The following FAT3 variants were observed in gnomAD, a reference collection of about 807,000 sequenced individuals.
FAT3 encodes protocadherin Fat 3.
In FAT3, 95 loss-of-function variants were observed where a neutral mutation model predicts 310.2. That is an observed-to-expected ratio of 0.31 (90% CI 0.26 to 0.36). FAT3 has a LOEUF of 0.36. FAT3 is among the 10% of genes least tolerant of loss of function. The pLI is 1.00. For missense variants in FAT3, 5,408 were observed against 5,715.6 expected, an observed-to-expected ratio of 0.95 and a Z score of 1.74; for synonymous variants, 2,314 against 2,192.9, an observed-to-expected ratio of 1.06 and a Z score of -1.54.
At chr11:92,270,370 C>G (rs1946091139) in intron 1 of FAT3, among the ~76,000 whole-genome samples, 1 of 151,936 alleles carries the variant, frequency 6.6e-6, no homozygotes, top group Non-Finnish European at 1.5e-5. Flanking sequence ...ATCATCTAGT[C>G]TACTGGTTTT....
chr11:92,816,163 G>C (rs932458828), intron 13 of FAT3, among the ~76,000 whole-genome samples: 1 of 152,216 alleles, frequency 6.6e-6, no homozygotes, highest in Non-Finnish European at 1.5e-5. Flanking sequence ...GAGTGAGACA[G>C]AGAGACAGAT....
rs182809735 is a variant in FAT3, at chr11:92,511,834, G to A, written c.3293-12800G>A. Reference sequence around the variant, plus strand: ...CTGGTTCCAGACCAATCCAACATCTGAAAATCTTCAGAGAACATATAATAT... The same window carrying A: ...CTGGTTCCAGACCAATCCAACATCTAAAAATCTTCAGAGAACATATAATAT... On this transcript the variant is annotated intron_variant, in intron 2 of 27. Coordinates refer to ENST00000525166, the MANE Select transcript of FAT3 (RefSeq NM_001367949.2). 6.9e-4 allele frequency among the ~76,000 whole-genome samples: 105 copies of A among 152,286 alleles called. 1 individual carries two copies. The highest frequency in any genetic ancestry group is 1.4e-3 in the Admixed American group (22 of 15,276).
intron 3 of FAT3, among the ~76,000 whole-genome samples, chr11:92,637,241 G>A (rs993780350): frequency 3.3e-5 from 5 of 152,190 alleles, no homozygotes; most frequent in African/African-American, 9.7e-5. Flanking sequence ...GCCCCATTGA[G>A]TATTGGTTAG....
Position 92,799,259 on chromosome 11 carries a change from A to C in FAT3, c.6246A>C (p.Pro2082=). The C allele has an allele frequency of 6.2e-7, 1 of 1,613,922 alleles. No homozygotes were observed. The highest frequency in any genetic ancestry group is 8.5e-7 in the Non-Finnish European group (1 of 1,179,860). Residue 2082 remains proline, a synonymous_variant, in exon 10 of 28, where the codon CCA becomes CCC. Coordinates refer to ENST00000525166, the MANE Select transcript of FAT3 (RefSeq NM_001367949.2). The stretch of plus-strand genomic sequence containing the variant: ...TTGAAGACATAAATGACAATTCTCC[A>C]GTCTTTGTGGGCCTCCCATACTATG... ...VNIEDINDNS[P]VFVGLPYYAA... is the part of the protein sequence containing the mutation.
chr11:92,524,842 C>G lies in FAT3; in HGVS notation c.3501C>G (p.Val1167=). The G allele has an allele frequency of 1.2e-6, 2 of 1,613,832 alleles. No homozygotes were observed. The highest frequency in any genetic ancestry group is 1.7e-6 in the Non-Finnish European group (2 of 1,179,810). Residue 1167 remains valine (V), a synonymous_variant, in exon 3 of 28, where the codon GTC becomes GTG. Transcript: ENST00000525166. ...VMENSPKDVS[V]IQIQAEDPDS... is the part of the protein sequence containing the mutation. ...AAAACTCTCCAAAGGACGTATCTGT[C>G]ATTCAGATCCAGGCTGAAGATCCTG...
At chr11:92,830,432 G>T (rs80289173) in intron 13 of FAT3, among the ~76,000 whole-genome samples, 1 of 152,124 alleles carries the variant, frequency 6.6e-6, no homozygotes, top group East Asian at 1.9e-4. Flanking sequence ...AGCACCCTTG[G>T]ACTAGATCCT....
chr11:92,305,350 G>A (rs1202973382), intron 1 of FAT3, among the ~76,000 whole-genome samples: 1 of 152,100 alleles, frequency 6.6e-6, no homozygotes, highest in African/African-American at 2.4e-5. Context: ...GTTAATAAAT[G>A]TAGAAGAAAA....
chr11:92,636,939 C>G (rs1334569088), intron 3 of FAT3, among the ~76,000 whole-genome samples: 1 of 152,166 alleles, frequency 6.6e-6, no homozygotes, highest in Non-Finnish European at 1.5e-5. Flanking sequence ...CTTACATAGC[C>G]TCTCTACTTG....
intron 1 of FAT3, among the ~76,000 whole-genome samples, chr11:92,299,903 C>A (rs1565210547): frequency 6.6e-6 from 1 of 152,128 alleles, no homozygotes; most frequent in East Asian, 1.9e-4. Context: ...CCCATAGCTC[C>A]AGAAAGAAAT....
At position 92,857,088 on chromosome 11, in the gene FAT3, G is replaced by C. The variant is rs1565654422; in HGVS notation, c.11366-126G>C. 4 of 1,393,508 alleles carry C rather than the reference G, an allele frequency of 2.9e-6. No homozygotes were observed. The East Asian group carries it at 9.2e-5, about 32-fold the overall frequency. The allele number at this position is 1,393,508 out of a possible 1,614,324, so 86.3% of individuals were successfully genotyped here. A position where few individuals can be genotyped will look rare whatever the true frequency, so the allele number is the denominator to read the frequency against. ...TTCTGAGTGGCATCTTTGTGACTCAGCTCAGAGCCCACATATCCCAGCTCT... is the reference window on the plus strand; with the variant it reads ...TTCTGAGTGGCATCTTTGTGACTCACCTCAGAGCCCACATATCCCAGCTCT... On this transcript the variant is annotated intron_variant, in intron 19 of 27. Coordinates refer to ENST00000525166, the MANE Select transcript of FAT3 (RefSeq NM_001367949.2).
In FAT3 at chr11:92,576,932, G is replaced by A. The variant is rs544187389; in HGVS notation, c.3607+51984G>A. Among the ~76,000 whole-genome samples the A allele has an allele frequency of 1.6e-4, 25 of 151,958 alleles. No homozygotes were observed. The South Asian group carries it at 4.2e-3, about 25-fold the overall frequency. On this transcript the variant is annotated intron_variant, in intron 3 of 27. Coordinates refer to ENST00000525166, the MANE Select transcript of FAT3 (RefSeq NM_001367949.2). ...CAGCATACAGGCCAAGGAGTAAGACGTTATATTTAAGGTTCACTATGCTGT... is the reference window on the plus strand; with the variant it reads ...CAGCATACAGGCCAAGGAGTAAGACATTATATTTAAGGTTCACTATGCTGT...
intron 3 of FAT3, among the ~76,000 whole-genome samples, chr11:92,569,306 G>T (rs1293186770): frequency 1.3e-5 from 2 of 152,178 alleles, no homozygotes; most frequent in Non-Finnish European, 2.9e-5. Context: ...TGGGAATGAT[G>T]TGGAAGTGCA....
At chr11:92,493,048 A>C (rs1166193270) in intron 2 of FAT3, among the ~76,000 whole-genome samples, 2 of 152,052 alleles carry the variant, frequency 1.3e-5, no homozygotes, top group Admixed American at 1.3e-4. Flanking sequence ...ATTTCAAACG[A>C]CTTGTCATTC....
At chr11:92,351,240 C>T (rs973017823) in intron 1 of FAT3, among the ~76,000 whole-genome samples, 1 of 152,152 alleles carries the variant, frequency 6.6e-6, no homozygotes, top group Non-Finnish European at 1.5e-5. Flanking sequence ...TGTAACTTGA[C>T]ACTTTGTTCA....
At chr11:92,396,954 AC>A (rs565973279) in intron 2 of FAT3, among the ~76,000 whole-genome samples, 239 of 152,232 alleles carry the variant, frequency 1.6e-3, no homozygotes, top group African/African-American at 5.4e-3. Flanking sequence ...TAATCCGTCT[AC>A]ATCGGCCTCC....
chr11:92,380,362 T>C (rs540817942), intron 2 of FAT3, among the ~76,000 whole-genome samples: 31 of 152,260 alleles, frequency 2.0e-4, no homozygotes, highest in African/African-American at 7.5e-4. Flanking sequence ...CAGTTCTGTA[T>C]GCCTGCCCTG....
At chr11:92,387,827 G>A (rs1473099926) in intron 2 of FAT3, among the ~76,000 whole-genome samples, 1 of 152,120 alleles carries the variant, frequency 6.6e-6, no homozygotes, top group Non-Finnish European at 1.5e-5. Context: ...GGAGAAGCTG[G>A]GAAGCATGGA....
chr11:92,628,058 C>T (rs1941402467), intron 3 of FAT3, among the ~76,000 whole-genome samples: 5 of 152,142 alleles, frequency 3.3e-5, no homozygotes, highest in Admixed American at 2.6e-4. Context: ...GTCTTCCTCA[C>T]TGGGTTGTTT....
chr11:92,500,076 C>T (rs1177001492), intron 2 of FAT3, among the ~76,000 whole-genome samples: 2 of 151,906 alleles, frequency 1.3e-5, no homozygotes, highest in African/African-American at 2.4e-5. Context: ...TTACATTCTC[C>T]ACTGGATCTG....
Sources: allele counts gnomAD v4.1 joint callset (sites outside exome capture counted in the v4.1 genomes callset), GRCh38; gene constraint gnomAD v4.1.1; transcripts MANE v1.5; gene names NCBI Gene and HGNC (gene_info 2026-07-23, HGNC 2026-07-21).